The following TTC27 variants were observed in gnomAD, a reference collection of about 807,000 sequenced individuals.
TTC27 encodes the protein tetratricopeptide repeat protein 27.
A neutral mutation model predicts 115.9 loss-of-function variants in TTC27; 79 were observed. That is an observed-to-expected ratio of 0.68 (90% CI 0.57 to 0.82). The LOEUF is 0.82. Among genes scored for constraint, TTC27 ranks in the 40% least tolerant of loss-of-function variants. The probability of loss-of-function intolerance (pLI) is 0.00; values close to 1 mark genes in which losing one functional copy is unlikely to be tolerated. For synonymous variants in TTC27, 401 were observed against 356.0 expected, an observed-to-expected ratio of 1.13 and a Z score of -1.42; for missense variants, 1,054 against 993.1, an observed-to-expected ratio of 1.06 and a Z score of -0.82.
rs3736809 is a variant in TTC27, at chr2:32,640,189, A to G, written c.397-81A>G. 222 of 1,351,024 alleles carry G rather than the reference A, an allele frequency of 1.6e-4. 3 individuals are homozygous for G. In the East Asian group the frequency reaches 5.5e-3, roughly 34 times the overall value. The allele number at this position is 1,351,024 out of a possible 1,614,324, so 83.7% of individuals were successfully genotyped here. A position where few individuals can be genotyped will look rare whatever the true frequency, so the allele number is the denominator to read the frequency against. ...TTGTTTCAAAGCTGAGTTGACTGGA[A>G]AATCTTTGTATTATTACAAGACATA... On this transcript the variant is annotated intron_variant, in intron 3 of 19. Coordinates refer to ENST00000317907, the MANE Select transcript of TTC27 (RefSeq NM_017735.5).
chr2:32,809,114 G>A (rs1317512216), intron 16 of TTC27, among the ~76,000 whole-genome samples: 2 of 152,164 alleles, frequency 1.3e-5, no homozygotes, highest in African/African-American at 4.8e-5. Flanking sequence ...ATATAATTAA[G>A]ACCATGAATC....
At chr2:32,806,699 T>A (rs1408936896) in intron 16 of TTC27, among the ~76,000 whole-genome samples, 3 of 151,996 alleles carry the variant, frequency 2.0e-5, no homozygotes, top group African/African-American at 7.2e-5. Context: ...GGAGAATCGC[T>A]TGAACCAAGA....
chr2:32,795,083 T>A (rs1001168698), intron 16 of TTC27, among the ~76,000 whole-genome samples: 2 of 151,338 alleles, frequency 1.3e-5, no homozygotes, highest in East Asian at 3.9e-4. Context: ...TGGCTCATGC[T>A]ATGAGGCCAG....
chr2:32,674,901 A>G (rs1316009558), intron 8 of TTC27, among the ~76,000 whole-genome samples: 1 of 151,974 alleles, frequency 6.6e-6, no homozygotes, highest in African/African-American at 2.4e-5. Context: ...TGACCTCGTA[A>G]TCCGCCCACC....
At chr2:32,640,529 A>T (rs1664603157) in intron 4 of TTC27, 119 bp downstream of exon 4, 1 of 1,060,644 alleles carries the variant, frequency 9.4e-7, no homozygotes, top group African/African-American at 1.6e-5. Context: ...TCTTCTAGGT[A>T]TGTAATTTAA....
chr2:32,687,436 G>T (rs1454854737), intron 9 of TTC27, among the ~76,000 whole-genome samples: 1 of 151,932 alleles, frequency 6.6e-6, no homozygotes, highest in Non-Finnish European at 1.5e-5. Context: ...AGGGTAAAAT[G>T]GTATATTTAA....
At chr2:32,789,713 G>A (rs1670464470) in intron 16 of TTC27, among the ~76,000 whole-genome samples, 2 of 151,546 alleles carry the variant, frequency 1.3e-5, no homozygotes, top group African/African-American at 2.4e-5. Flanking sequence ...TGAGCCCAGG[G>A]GTTTGAGACC....
chr2:32,793,699 T>C (rs987345870), intron 16 of TTC27, among the ~76,000 whole-genome samples: 9 of 152,186 alleles, frequency 5.9e-5, no homozygotes, highest in Middle Eastern at 3.4e-3. Flanking sequence ...ATTTTTGTAT[T>C]TTTAGTAGAG....
At chr2:32,773,466 C>T (rs992168793) in intron 13 of TTC27, among the ~76,000 whole-genome samples, 1 of 152,188 alleles carries the variant, frequency 6.6e-6, no homozygotes, top group Non-Finnish European at 1.5e-5. Context: ...CCTGTTTCCC[C>T]CTCTCTCTTT....
chr2:32,752,718 GTAGCGC>G (rs1287477808), intron 12 of TTC27, among the ~76,000 whole-genome samples: 1 of 152,178 alleles, frequency 6.6e-6, no homozygotes, highest in Non-Finnish European at 1.5e-5. Flanking sequence ...TTTAAGCAAA[GTAGCGC>G]TAGTCTTATC....
At chr2:32,663,830 G>A (rs371923548) in intron 5 of TTC27, among the ~76,000 whole-genome samples, 12 of 152,024 alleles carry the variant, frequency 7.9e-5, no homozygotes, top group African/African-American at 2.9e-4. Context: ...GACTACAGGC[G>A]CATGCCACTA....
chr2:32,634,172 AG>A (rs1664323917), intron 3 of TTC27, among the ~76,000 whole-genome samples, 167 bp downstream of exon 3: 1 of 152,210 alleles, frequency 6.6e-6, no homozygotes, highest in African/African-American at 2.4e-5. Context: ...GATTTCCAGA[AG>A]TTCCTTTGTC....
At chr2:32,677,397 T>C (rs1030805997) in intron 8 of TTC27, among the ~76,000 whole-genome samples, 1 of 152,088 alleles carries the variant, frequency 6.6e-6, no homozygotes, top group Non-Finnish European at 1.5e-5. Context: ...CTATCTAGGA[T>C]GGAAGTACTG....
intron 13 of TTC27, among the ~76,000 whole-genome samples, chr2:32,776,660 G>A (rs1238788524): frequency 6.6e-6 from 1 of 152,128 alleles, no homozygotes. Context: ...CCAGGCTGGA[G>A]TGCAGTGGTG....
chr2:32,764,308 C>T (rs956152832), intron 13 of TTC27, among the ~76,000 whole-genome samples: 4 of 151,882 alleles, frequency 2.6e-5, no homozygotes, highest in Non-Finnish European at 4.4e-5. Context: ...TGTAATAAAG[C>T]AAGTCATGCG....
chr2:32,733,932 G>T lies in TTC27; in HGVS notation c.1329+9G>T. Reference sequence around the variant, plus strand: ...CTCACTGGGCCATTCAGGTATTTCTGTTGTTTGTCATTGGGTATGGAAATT... The same window carrying T: ...CTCACTGGGCCATTCAGGTATTTCTTTTGTTTGTCATTGGGTATGGAAATT... On this transcript the variant is annotated intron_variant, in intron 11 of 19. Coordinates refer to ENST00000317907, the MANE Select transcript of TTC27 (RefSeq NM_017735.5). The T allele has an allele frequency of 6.3e-7, 1 of 1,594,988 alleles. No individual in the cohort carries two copies. The highest frequency in any genetic ancestry group is 8.6e-7 in the Non-Finnish European group (1 of 1,166,342).
intron 3 of TTC27, among the ~76,000 whole-genome samples, 154 bp from the exon 4 acceptor site, chr2:32,640,116 T>C (rs1053493666): frequency 2.0e-5 from 3 of 152,232 alleles, no homozygotes; most frequent in African/African-American, 4.8e-5. Context: ...GCATTTGCAG[T>C]GTTATAATTC....
At chr2:32,792,440 C>T (rs1298945295) in intron 16 of TTC27, among the ~76,000 whole-genome samples, 2 of 152,126 alleles carry the variant, frequency 1.3e-5, no homozygotes, top group East Asian at 1.9e-4. Flanking sequence ...TGACATCTGG[C>T]GTATTTAACC....
intron 10 of TTC27, among the ~76,000 whole-genome samples, chr2:32,731,309 G>A (rs563421619): frequency 3.9e-5 from 6 of 152,006 alleles, no homozygotes; most frequent in Middle Eastern, 3.4e-3. Flanking sequence ...GGCTGGTTTT[G>A]AATTCCTGAT....
Sources: allele counts gnomAD v4.1 joint callset (sites outside exome capture counted in the v4.1 genomes callset), GRCh38; gene constraint gnomAD v4.1.1; transcripts MANE v1.5; gene names NCBI Gene and HGNC (gene_info 2026-07-23, HGNC 2026-07-21).